Variants in ZNF777 observed in about 807,000 individuals in gnomAD.
ZNF777 encodes the protein zinc finger protein 777.
A neutral mutation model predicts 72.1 loss-of-function variants in ZNF777; 7 were observed. That is an observed-to-expected ratio of 0.10 (90% CI 0.06 to 0.18). ZNF777 has a LOEUF of 0.18. Among genes scored for constraint, ZNF777 ranks in the 10% least tolerant of loss-of-function variants. The pLI is 1.00. For missense variants in ZNF777, 828 were observed against 1,128.6 expected (o/e 0.73, Z 3.82); for synonymous variants, 545 against 483.5 (o/e 1.13, Z -1.67).
chr7:149,434,420 G>C (rs149893456), intron 5 of ZNF777, among the ~76,000 whole-genome samples: 2 of 152,168 alleles, frequency 1.3e-5, no homozygotes, highest in Non-Finnish European at 2.9e-5. Context: ...TCCTTGGAGC[G>C]TGATGCCTAA....
chr7:149,437,805 CTTTTT>C (rs898319193), intron 4 of ZNF777, among the ~76,000 whole-genome samples: 1 of 108,178 alleles, frequency 9.2e-6, no homozygotes, highest in African/African-American at 3.9e-5. Context: ...GTTTCTTTTT[CTTTTT>C]TTTTTTTTTT....
At chr7:149,437,936 A>G (rs1022454615) in intron 4 of ZNF777, among the ~76,000 whole-genome samples, 2 of 150,962 alleles carry the variant, frequency 1.3e-5, no homozygotes, top group Admixed American at 6.6e-5. Flanking sequence ...CTGGAGTGCA[A>G]TGGTGTGGTC....
chr7:149,437,374 A>G (rs1799432455), intron 4 of ZNF777, among the ~76,000 whole-genome samples: 1 of 152,052 alleles, frequency 6.6e-6, no homozygotes, highest in Admixed American at 6.6e-5. Context: ...CTCACTCACA[A>G]TCAGGTCGAT....
At chr7:149,447,240 T>C (rs1046564354) in intron 4 of ZNF777, among the ~76,000 whole-genome samples, 2 of 152,156 alleles carry the variant, frequency 1.3e-5, no homozygotes, top group African/African-American at 2.4e-5. Flanking sequence ...CTCTTCCCCC[T>C]CTACAGACTG....
intron 4 of ZNF777, among the ~76,000 whole-genome samples, chr7:149,443,078 T>C (rs1007993958): frequency 1.3e-5 from 2 of 152,186 alleles, no homozygotes; most frequent in African/African-American, 4.8e-5. Flanking sequence ...TCCAGACAAG[T>C]GCATGAAGAT....
At chr7:149,435,169 C>G (rs868637686) in intron 5 of ZNF777, among the ~76,000 whole-genome samples, 3 of 151,866 alleles carry the variant, frequency 2.0e-5, no homozygotes, top group South Asian at 2.1e-4. Flanking sequence ...GGTGGTAGAT[C>G]CATATATGTA....
At position 149,432,789 on chromosome 7, in the gene ZNF777, T is replaced by G; in HGVS notation, c.1483A>C (p.Met495Leu). 2 of 1,608,572 alleles carry G rather than the reference T, an allele frequency of 1.2e-6. No homozygotes were observed. The highest frequency in any genetic ancestry group is 1.7e-6 in the Non-Finnish European group (2 of 1,176,086). Residue 495 changes from methionine to leucine, a missense_variant, in exon 6 of 6, where the codon ATG (methionine) becomes CTG (leucine). Met to Leu is a conservative substitution (Grantham distance 15). Coordinates refer to ENST00000247930, the MANE Select transcript of ZNF777 (RefSeq NM_015694.3). Reference protein sequence around the residue: ...SMYQTPLPGEMSPEGEESPPP... With the variant: ...SMYQTPLPGELSPEGEESPPP... ...GGGCTCTCCTCGCCCTCGGGGGACA[T>G]CTCCCCGGGCAGCGGGGTCTGGTAC...
At chr7:149,454,328 G>A in intron 2 of ZNF777, 91 bp from the exon 3 acceptor site, 1 of 1,553,276 alleles carries the variant, frequency 6.4e-7, no homozygotes, top group East Asian at 2.3e-5. Flanking sequence ...TCCTGGCTCT[G>A]GGCCTTCACC....
chr7:149,457,546 G>A (rs1247076011), intron 1 of ZNF777, among the ~76,000 whole-genome samples: 3 of 152,188 alleles, frequency 2.0e-5, no homozygotes, highest in Non-Finnish European at 2.9e-5. Context: ...ACCTATCAGA[G>A]ACTTATCTAA....
intron 1 of ZNF777, among the ~76,000 whole-genome samples, chr7:149,458,494 G>GAAA (rs1386344730): frequency 8.1e-6 from 1 of 124,100 alleles, no homozygotes; most frequent in Non-Finnish European, 1.8e-5. Flanking sequence ...AGGTTTAACT[G>GAAA]AAACAATGAA....
chr7:149,435,912 T>C (rs567900427), intron 5 of ZNF777, among the ~76,000 whole-genome samples: 139 of 152,346 alleles, frequency 9.1e-4, no homozygotes, highest in African/African-American at 3.3e-3. Flanking sequence ...ATTTATTACC[T>C]AAGTCCAATA....
At chr7:149,450,182 G>T (rs917667181) in intron 4 of ZNF777, among the ~76,000 whole-genome samples, 1 of 152,186 alleles carries the variant, frequency 6.6e-6, no homozygotes, top group African/African-American at 2.4e-5. Context: ...GATAAGTGAT[G>T]CAAGTCCAAA....
chr7:149,432,438 T>C lies in ZNF777; in HGVS notation c.1834A>G (p.Asn612Asp). ...CGCGGCTTGAGCGCGTGCTTGGGGT[T>C]GAACGTGGGCCCGCGTTCGGGTGAG... ...CVSPERGPTF[N>D]PKHALKPRPK... Residue 612 changes from asparagine (N) to aspartate (D), a missense_variant, in exon 6 of 6, where the codon AAC (asparagine) becomes GAC (aspartate). By Grantham distance (23) the Asn-to-Asp change is conservative. Around this residue, in one of 12 missense-constraint regions of ZNF777, gnomAD observed 100 missense variants for 106.2 expected, o/e 0.94. Transcript: ENST00000247930. The C allele has an allele frequency of 2.5e-6, 4 of 1,613,520 alleles. No individual in the cohort carries two copies. The South Asian group carries it at 3.3e-5, about 13-fold the overall frequency.
intron 1 of ZNF777, among the ~76,000 whole-genome samples, chr7:149,458,742 A>C (rs74644268): frequency 0.018 from 2,753 of 152,356 alleles, 84 homozygotes; most frequent in African/African-American, 0.063. Context: ...GCTATAATTT[A>C]ATCCATCCCG....
chr7:149,455,452 C>A lies in ZNF777; in HGVS notation c.571G>T (p.Ala191Ser). ...AEITRLAVWA[A>S]VQAVERKLEA... Reference sequence around the variant, plus strand: ...AGCTTCCTCTCCACTGCTTGGACGGCAGCCCACACAGCCAAGCGGGTGATC... The same window carrying A: ...AGCTTCCTCTCCACTGCTTGGACGGAAGCCCACACAGCCAAGCGGGTGATC... Residue 191 changes from alanine to serine, a missense_variant, in exon 2 of 6, where the codon GCC (alanine) becomes TCC (serine). Ala to Ser is a moderately conservative substitution (Grantham distance 99). This residue lies in a region of ZNF777 where 76 missense variants were observed against 157.3 expected (regional missense o/e 0.48). Coordinates refer to ENST00000247930, the MANE Select transcript of ZNF777 (RefSeq NM_015694.3). The surrounding 1 kb of genome is among the most constrained non-coding windows in gnomAD (Gnocchi z 4.2). The A allele has an allele frequency of 6.2e-7, 1 of 1,614,222 alleles. No individual in the cohort carries two copies. Among genetic ancestry groups the A allele is most frequent in the Non-Finnish European group, 8.5e-7 (1 of 1,180,046 alleles).
Position 149,454,174 on chromosome 7 carries a change from C to G in ZNF777, c.910G>C (p.Glu304Gln). The change falls in exon 3 of 6, where the codon GAG (glutamate) becomes CAG (glutamine). Residue 304 changes from glutamate (E) to glutamine (Q), a missense_variant. Transcript: ENST00000247930. ...TTCTTGTAGAGCTCCTTCTGCCACT[C>G]AGACAGGTTTCCCCACTCCTGCTCC... ...FSEQEWGNLSEWQKELYKNVM... is the reference protein window; with the variant it reads ...FSEQEWGNLSQWQKELYKNVM... 1 of 1,614,244 alleles carries G rather than the reference C, an allele frequency of 6.2e-7. No individual in the cohort carries two copies. The highest frequency in any genetic ancestry group is 8.5e-7 in the Non-Finnish European group (1 of 1,180,048).
chr7:149,458,422 C>T (rs755486888), intron 1 of ZNF777, among the ~76,000 whole-genome samples: 2 of 151,908 alleles, frequency 1.3e-5, no homozygotes, highest in African/African-American at 4.8e-5. Context: ...ATCTGCCTAG[C>T]ACTAGAAAGA....
intron 4 of ZNF777, among the ~76,000 whole-genome samples, chr7:149,438,708 A>T (rs1428163411): frequency 1.3e-5 from 2 of 152,222 alleles, no homozygotes; most frequent in Non-Finnish European, 2.9e-5. Flanking sequence ...TGCCCTCCTG[A>T]GGCTCTTCAT....
chr7:149,440,222 C>T (rs1469406391), intron 4 of ZNF777, among the ~76,000 whole-genome samples: 2 of 152,164 alleles, frequency 1.3e-5, no homozygotes, highest in African/African-American at 4.8e-5. Context: ...TGCAAGAGAA[C>T]TTGCCATCCA....
Sources: gnomAD v4.1 joint callset for allele counts (sites outside exome capture counted in the v4.1 genomes callset) on GRCh38, gnomAD v4.1.1 for gene constraint, gnomAD v4.1.1 regional missense constraint, Gnocchi (gnomAD v3.1) non-coding constraint, MANE v1.5 for transcripts, NCBI Gene and HGNC (gene_info 2026-07-23, HGNC 2026-07-21) for gene names.